PRDM6: variants seen among roughly 807,000 people sequenced by gnomAD.
PRDM6 encodes the protein putative histone-lysine N-methyltransferase PRDM6.
PRDM6 carries 25 observed loss-of-function variants against 60.8 expected under a neutral mutation model. The ratio of observed to expected loss-of-function variants is 0.41; its 90% CI spans 0.30 to 0.57. The LOEUF (loss-of-function observed/expected upper bound fraction) is 0.57. Ranked by LOEUF, PRDM6 falls within the 20% of genes least tolerant of loss-of-function variation. PRDM6 has a pLI of 0.27. For missense variants in PRDM6, 839 were observed against 821.3 expected, an observed-to-expected ratio of 1.02 and a Z score of -0.26; for synonymous variants, 407 against 357.4, an observed-to-expected ratio of 1.14 and a Z score of -1.57.
chr5:123,149,362 C>T (rs1322272179), intron 3 of PRDM6, among the ~76,000 whole-genome samples: 2 of 152,160 alleles, frequency 1.3e-5, no homozygotes, highest in Non-Finnish European at 2.9e-5. Flanking sequence ...CTACCTTGAA[C>T]ATATTGAGTG....
chr5:123,172,757 T>G (rs1179519761), intron 6 of PRDM6, among the ~76,000 whole-genome samples: 1 of 152,206 alleles, frequency 6.6e-6, no homozygotes, highest in Non-Finnish European at 1.5e-5. Context: ...TTGAAAAATT[T>G]CTGGATAGTA....
At chr5:123,115,211 C>T (rs1379390440) in intron 3 of PRDM6, among the ~76,000 whole-genome samples, 1 of 152,156 alleles carries the variant, frequency 6.6e-6, no homozygotes, top group East Asian at 1.9e-4. Context: ...AAGAGCCTTA[C>T]GTTTGCCTTC....
intron 6 of PRDM6, among the ~76,000 whole-genome samples, chr5:123,172,154 T>C (rs2126884964): frequency 6.6e-6 from 1 of 152,154 alleles, no homozygotes; most frequent in East Asian, 1.9e-4. Context: ...AGCTCTTCCC[T>C]CCCAGCTCTG....
At chr5:123,121,135 G>C (rs1396827711) in intron 3 of PRDM6, among the ~76,000 whole-genome samples, 2 of 151,998 alleles carry the variant, frequency 1.3e-5, no homozygotes, top group African/African-American at 4.8e-5. Flanking sequence ...AGTTGCTTTA[G>C]GTCCAGTTTT....
chr5:123,162,009 G>A (rs917384109), intron 5 of PRDM6, among the ~76,000 whole-genome samples: 5 of 152,142 alleles, frequency 3.3e-5, no homozygotes, highest in Non-Finnish European at 7.4e-5. Context: ...TGTTTTAAAA[G>A]TAAATCCAAC....
intron 3 of PRDM6, among the ~76,000 whole-genome samples, chr5:123,131,264 G>A (rs2150223490): frequency 6.6e-6 from 1 of 152,198 alleles, no homozygotes; most frequent in African/African-American, 2.4e-5. Context: ...GTGGTCACTA[G>A]CACAATAGGG....
rs1186289449 is a variant in PRDM6, at chr5:123,180,244, G to A, written c.1594G>A (p.Gly532Ser). 2.6e-6 allele frequency: 4 copies of A among 1,551,744 alleles called. No individual in the cohort carries two copies. The highest frequency in any genetic ancestry group is 2.0e-5 in the Admixed American group (1 of 50,980). The change falls in exon 7 of 8, where the codon GGC becomes AGC. Residue 532 changes from glycine to serine, a missense_variant. Physicochemically the swap from Gly to Ser is moderately conservative, Grantham distance 56. This residue lies in a region of PRDM6 where 109 missense variants were observed against 172.6 expected (regional missense o/e 0.63). Transcript: ENST00000407847. ...CTCTAGTGACCGGCCTTTCAAGTGC[G>A]GCTACTGTGGTCGTGCCTTTGCCGG... ...THSSDRPFKC[G>S]YCGRAFAGAT...
At chr5:123,101,379 A>C (rs960301667) in intron 3 of PRDM6, among the ~76,000 whole-genome samples, 1 of 152,092 alleles carries the variant, frequency 6.6e-6, no homozygotes, top group Admixed American at 6.5e-5. Context: ...TACCTACCCT[A>C]TAGTTATCTG....
chr5:123,180,462 C>G, intron 7 of PRDM6, 139 bp downstream of exon 7: 1 of 899,318 alleles, frequency 1.1e-6, no homozygotes, highest in Non-Finnish European at 1.6e-6. Context: ...GCAAACGAAT[C>G]TCTCCTTGTT....
chr5:123,156,910 A>G (rs1765513575), intron 4 of PRDM6, among the ~76,000 whole-genome samples: 1 of 152,214 alleles, frequency 6.6e-6, no homozygotes, highest in Admixed American at 6.5e-5. Context: ...AACGTGTGCT[A>G]TATAAATATA....
chr5:123,143,239 C>T (rs1765161281), intron 3 of PRDM6, among the ~76,000 whole-genome samples: 1 of 150,760 alleles, frequency 6.6e-6, no homozygotes, highest in African/African-American at 2.4e-5. Flanking sequence ...AACCTTCTTC[C>T]CAGAAGGTTA....
At chr5:123,110,576 T>C (rs1203035840) in intron 3 of PRDM6, among the ~76,000 whole-genome samples, 1 of 149,076 alleles carries the variant, frequency 6.7e-6, no homozygotes, top group African/African-American at 2.5e-5. Flanking sequence ...TTCTTTTTTT[T>C]TTTTTTTTGA....
At chr5:123,131,880 A>G (rs1030613817) in intron 3 of PRDM6, among the ~76,000 whole-genome samples, 2 of 152,346 alleles carry the variant, frequency 1.3e-5, no homozygotes, top group Middle Eastern at 3.4e-3. Context: ...AGGGTTGCAT[A>G]TCAGCTCTGT....
At chr5:123,130,298 C>T (rs1279887618) in intron 3 of PRDM6, among the ~76,000 whole-genome samples, 3 of 93,220 alleles carry the variant, frequency 3.2e-5, no homozygotes, top group Non-Finnish European at 4.4e-5. Flanking sequence ...CTTCCCTCCC[C>T]TCCCGTCCCC....
intron 6 of PRDM6, among the ~76,000 whole-genome samples, chr5:123,177,183 C>T (rs1766034086): frequency 3.3e-5 from 5 of 152,112 alleles, no homozygotes; most frequent in Admixed American, 3.3e-4. Context: ...GGATGAAACC[C>T]TAGGCACATA....
At chr5:123,178,292 TA>T (rs1273966545) in intron 6 of PRDM6, among the ~76,000 whole-genome samples, 33 of 152,216 alleles carry the variant, frequency 2.2e-4, no homozygotes, top group Non-Finnish European at 8.8e-5. Flanking sequence ...TAATAAATGT[TA>T]ATGGTCCCTT....
Position 123,176,270 on chromosome 5 carries a change from T to TA in PRDM6, c.1497-3864dup, listed in dbSNP as rs780046640. 6.5e-3 allele frequency among the ~76,000 whole-genome samples: 787 copies of TA among 121,230 alleles called. 14 individuals carry two copies. Among genetic ancestry groups the TA allele is most frequent in the East Asian group, 7.7e-3 (28 of 3,660 alleles). 79.5% of individuals were successfully genotyped at this position (121,230 alleles called of 152,430 possible). A position where few individuals can be genotyped will look rare whatever the true frequency, so the allele number is the denominator to read the frequency against. On this transcript the variant is annotated intron_variant, in intron 6 of 7. Transcript: ENST00000407847. ...CAACACTACTAAAGATCTCAAATGGTAAAAAAAAAAAAACAAAAAAAAAAC... is the reference window on the plus strand; with the variant it reads ...CAACACTACTAAAGATCTCAAATGGTAAAAAAAAAAAAAACAAAAAAAAAAC...
intron 3 of PRDM6, among the ~76,000 whole-genome samples, chr5:123,151,940 G>A (rs960337407): frequency 3.9e-5 from 6 of 152,022 alleles, no homozygotes; most frequent in African/African-American, 1.5e-4. Flanking sequence ...AATTAAAGGG[G>A]ATCCTTCACT....
intron 7 of PRDM6, 85 bp from the exon 8 acceptor site, chr5:123,187,002 T>C: frequency 1.0e-6 from 1 of 995,624 alleles, no homozygotes; most frequent in Non-Finnish European, 1.5e-6. Context: ...TTGGAGTGTC[T>C]GTTCTGATTA....
Sources: gnomAD v4.1 joint callset for allele counts (sites outside exome capture counted in the v4.1 genomes callset) on GRCh38, gnomAD v4.1.1 for gene constraint, gnomAD v4.1.1 regional missense constraint, MANE v1.5 for transcripts, NCBI Gene and HGNC (gene_info 2026-07-23, HGNC 2026-07-21) for gene names.